Variants in SV2C observed in about 807,000 individuals in gnomAD.
SV2C encodes the protein solute carrier family 22 member B3.
SV2C carries 49 observed loss-of-function variants against 79.7 expected under a neutral mutation model. That is an observed-to-expected ratio of 0.61 (90% CI 0.49 to 0.78). The LOEUF is 0.78. Ranked by LOEUF, SV2C falls within the 30% of genes least tolerant of loss-of-function variation. The probability of loss-of-function intolerance (pLI) is 0.00; values close to 1 mark genes in which losing one functional copy is unlikely to be tolerated. For synonymous variants in SV2C, 334 were observed against 333.2 expected, an observed-to-expected ratio of 1.00 and a Z score of -0.03; for missense variants, 833 against 912.9, an observed-to-expected ratio of 0.91 and a Z score of 1.13.
At chr5:75,864,310 C>CTCCATCCATCCA in the SV2C span, among the ~76,000 whole-genome samples, 297 of 149,710 alleles carry the variant, frequency 2.0e-3, 1 homozygote, top group East Asian at 3.8e-3. Flanking sequence ...TCCAGTGCCA[C>CTCCATCCATCCA]TCCATCCATC....
At chr5:76,318,452 CA>C (rs1393534105) in intron 12 of SV2C, among the ~76,000 whole-genome samples, 1 of 151,914 alleles carries the variant, frequency 6.6e-6, no homozygotes, top group African/African-American at 2.4e-5. Context: ...CAGCATGAAA[CA>C]ATATAAATAA....
chr5:75,962,788 A>G, the SV2C span, among the ~76,000 whole-genome samples: 1 of 152,138 alleles, frequency 6.6e-6, no homozygotes. Context: ...CTTAAAGCCA[A>G]GGCTTAGTGG....
chr5:75,849,606 A>G, the SV2C span, among the ~76,000 whole-genome samples: 113 of 152,334 alleles, frequency 7.4e-4, no homozygotes, highest in East Asian at 5.6e-3. Flanking sequence ...CAATCTTTCT[A>G]TCATCTATCT....
chr5:76,037,530 T>TG, the SV2C span, among the ~76,000 whole-genome samples: 1 of 152,280 alleles, frequency 6.6e-6, no homozygotes, highest in South Asian at 2.1e-4. Context: ...CTGTCCCTGC[T>TG]GGGGGGTGCC....
At chr5:76,217,794 G>C (rs1393744927) in intron 4 of SV2C, among the ~76,000 whole-genome samples, 1 of 151,950 alleles carries the variant, frequency 6.6e-6, no homozygotes, top group African/African-American at 2.4e-5. Context: ...AGAGAACCAA[G>C]GTATTAAAAC....
intron 4 of SV2C, among the ~76,000 whole-genome samples, chr5:76,280,740 C>T (rs1747159784): frequency 1.3e-5 from 2 of 152,270 alleles, no homozygotes; most frequent in East Asian, 1.9e-4. Context: ...GGGACCTGCC[C>T]GGGTGTGGGG....
chr5:76,022,840 T>C, the SV2C span, among the ~76,000 whole-genome samples: 6 of 152,258 alleles, frequency 3.9e-5, no homozygotes, highest in African/African-American at 1.4e-4. Flanking sequence ...TTTTGATTTA[T>C]TAATGCAGTT....
the SV2C span, among the ~76,000 whole-genome samples, chr5:75,995,841 A>G: frequency 0.47 from 70,815 of 151,344 alleles, 17,195 homozygotes; most frequent in Middle Eastern, 0.62. Context: ...TTTTTCATAC[A>G]TCTTCCAAGA....
chr5:76,172,337 G>T (rs1244284918), intron 2 of SV2C, among the ~76,000 whole-genome samples: 4 of 89,818 alleles, frequency 4.5e-5, no homozygotes, highest in South Asian at 4.8e-4. Flanking sequence ...TGTCCGGGAG[G>T]TGAGGGGCGC....
chr5:76,142,826 C>T (rs1189223095), intron 2 of SV2C, among the ~76,000 whole-genome samples: 1 of 151,826 alleles, frequency 6.6e-6, no homozygotes, highest in African/African-American at 2.4e-5. Context: ...CAACACAGGC[C>T]CAGGGAACAG....
chr5:76,301,487 A>G lies in SV2C; in HGVS notation c.1942A>G (p.Ile648Val), dbSNP rs766318136. ...GMLCLYNGLT[I>V]SAWNSLDVVT... ...GCTGTGTCTGTACAATGGATTGACC[A>G]TCTCAGCCTGGAACTCTCTTGACGT... Residue 648 changes from isoleucine (I) to valine (V), a missense_variant, in exon 12 of 13, where the codon ATC (isoleucine) becomes GTC (valine). Ile to Val is a conservative substitution (Grantham distance 29, BLOSUM62 3). Transcript: ENST00000502798. 7 of 1,613,936 alleles carry G rather than the reference A, an allele frequency of 4.3e-6. No individual in the cohort carries two copies. The highest frequency in any genetic ancestry group is 4.0e-5 in the African/African-American group (3 of 74,902).
the SV2C span, among the ~76,000 whole-genome samples, chr5:75,915,509 C>T: frequency 6.6e-6 from 1 of 152,182 alleles, no homozygotes; most frequent in Non-Finnish European, 1.5e-5. Flanking sequence ...CTTCATTGCA[C>T]TTAAAGAGGT....
chr5:75,993,805 G>A, the SV2C span, among the ~76,000 whole-genome samples: 3 of 152,006 alleles, frequency 2.0e-5, no homozygotes, highest in African/African-American at 4.8e-5. Context: ...TTCACGTGAT[G>A]TCATCCTGGC....
chr5:76,235,901 T>C (rs773135487), intron 4 of SV2C, among the ~76,000 whole-genome samples: 121 of 152,190 alleles, frequency 8.0e-4, no homozygotes, highest in Non-Finnish European at 1.6e-3. Context: ...ATATGAGTTG[T>C]CTTCCCCCCA....
chr5:76,116,946 G>C (rs757020184), intron 1 of SV2C, among the ~76,000 whole-genome samples: 1 of 152,160 alleles, frequency 6.6e-6, no homozygotes, highest in African/African-American at 2.4e-5. Flanking sequence ...AGTTGCTCCT[G>C]TACATACTTT....
chr5:76,338,643 TTTTC>T (rs1375187752), downstream of SV2C, among the ~76,000 whole-genome samples: 1 of 120,048 alleles, frequency 8.3e-6, no homozygotes, highest in Non-Finnish European at 1.6e-5. Flanking sequence ...AGTATTTTCT[TTTTC>T]TTTTTCTTTT....
the SV2C span, among the ~76,000 whole-genome samples, chr5:76,012,576 G>C: frequency 6.6e-6 from 1 of 152,154 alleles, no homozygotes; most frequent in East Asian, 1.9e-4. Flanking sequence ...TCTGATGATA[G>C]TTTCTTTTGC....
chr5:75,865,790 G>A, the SV2C span, among the ~76,000 whole-genome samples: 2 of 152,198 alleles, frequency 1.3e-5, no homozygotes, highest in Non-Finnish European at 2.9e-5. Flanking sequence ...TTAATGCCCC[G>A]TAGAAAGCAT....
intron 3 of SV2C, among the ~76,000 whole-genome samples, chr5:76,197,707 C>CAGATAGATAGAT (rs4026946): frequency 0.085 from 12,407 of 145,534 alleles, 644 homozygotes; most frequent in Non-Finnish European, 0.11. Flanking sequence ...GATAGACAGG[C>CAGATAGATAGAT]AGATAGATAG....
Sources: allele counts gnomAD v4.1 joint callset (sites outside exome capture counted in the v4.1 genomes callset), GRCh38; gene constraint gnomAD v4.1.1; transcripts MANE v1.5; gene names NCBI Gene and HGNC (gene_info 2026-07-23, HGNC 2026-07-21).